The following FTO variants were observed in gnomAD, a reference collection of about 807,000 sequenced individuals.
FTO encodes alpha-ketoglutarate-dependent dioxygenase FTO.
In FTO, 47 loss-of-function variants were observed where a neutral mutation model predicts 63.9. That is an observed-to-expected ratio of 0.74 (90% confidence interval 0.58 to 0.94). The LOEUF is 0.94. FTO is among the 40% of genes least tolerant of loss of function. FTO has a pLI of 0.00. For missense variants in FTO, 562 were observed against 618.1 expected (o/e 0.91, Z 0.96); for synonymous variants, 207 against 224.4 (o/e 0.92, Z 0.69).
chr16:54,041,800 C>A (rs184380175), intron 8 of FTO, among the ~76,000 whole-genome samples: 1 of 152,172 alleles, frequency 6.6e-6, no homozygotes, highest in African/African-American at 2.4e-5. Context: ...TTGTTGTGCA[C>A]GCTGGCTCTT....
At chr16:53,983,359 T>A (rs1037505285) in intron 8 of FTO, among the ~76,000 whole-genome samples, 3 of 151,940 alleles carry the variant, frequency 2.0e-5, no homozygotes, top group Admixed American at 2.0e-4. Flanking sequence ...ATTGGATAAT[T>A]TTTAGAGGAG....
At chr16:53,987,582 C>CA (rs770347637) in intron 8 of FTO, among the ~76,000 whole-genome samples, 1,684 of 122,834 alleles carry the variant, frequency 0.014, 8 homozygotes, top group Non-Finnish European at 0.017. Flanking sequence ...GACTCTGTCT[C>CA]AAAAAAAAAA....
At chr16:53,761,631 G>T (rs1425690002) in intron 1 of FTO, among the ~76,000 whole-genome samples, 3 of 152,122 alleles carry the variant, frequency 2.0e-5, no homozygotes, top group African/African-American at 7.2e-5. Context: ...TATCCTCACG[G>T]AAATTGGTTT....
intron 8 of FTO, among the ~76,000 whole-genome samples, chr16:54,019,669 A>T (rs773279541): frequency 5.3e-5 from 8 of 152,198 alleles, no homozygotes; most frequent in Admixed American, 2.6e-4. Flanking sequence ...ATGGGAAAGA[A>T]ATAGGAGAGC....
At chr16:53,885,696 A>G (rs1321233899) in intron 6 of FTO, among the ~76,000 whole-genome samples, 1 of 152,194 alleles carries the variant, frequency 6.6e-6, no homozygotes, top group Non-Finnish European at 1.5e-5. Flanking sequence ...TGTCTTACAG[A>G]TGACATAGCT....
chr16:53,726,561 T>C (rs1321729223), intron 1 of FTO, among the ~76,000 whole-genome samples: 1 of 152,170 alleles, frequency 6.6e-6, no homozygotes, highest in Non-Finnish European at 1.5e-5. Flanking sequence ...TTGCATGCAT[T>C]TGTGATTTGA....
At chr16:53,881,156 T>C (rs146722751) in intron 6 of FTO, among the ~76,000 whole-genome samples, 3 of 126,378 alleles carry the variant, frequency 2.4e-5, no homozygotes, top group Non-Finnish European at 4.7e-5. Flanking sequence ...TAAATAAAAA[T>C]AAAATAAAAA....
intron 7 of FTO, among the ~76,000 whole-genome samples, chr16:53,926,487 G>A (rs1184009624): frequency 6.6e-6 from 1 of 152,178 alleles, no homozygotes; most frequent in African/African-American, 2.4e-5. Context: ...AAATGGTCAT[G>A]GACCCTTCTG....
intron 3 of FTO, among the ~76,000 whole-genome samples, chr16:53,834,033 T>A (rs1018388938): frequency 2.0e-5 from 3 of 152,148 alleles, no homozygotes; most frequent in African/African-American, 7.2e-5. Flanking sequence ...TTTTTTTTTT[T>A]ATTTTTTTTG....
At chr16:53,922,342 A>G (rs2082026592) in intron 7 of FTO, among the ~76,000 whole-genome samples, 1 of 152,134 alleles carries the variant, frequency 6.6e-6, no homozygotes. Flanking sequence ...AAAGCTGTAA[A>G]TGGGTTGTTA....
chr16:53,995,274 G>C (rs573381492), intron 8 of FTO, among the ~76,000 whole-genome samples: 6 of 152,362 alleles, frequency 3.9e-5, no homozygotes, highest in African/African-American at 1.2e-4. Flanking sequence ...ACTGCCACCA[G>C]GGAGATGCAT....
intron 8 of FTO, among the ~76,000 whole-genome samples, chr16:54,088,245 C>G (rs1271044512): frequency 6.6e-6 from 1 of 152,214 alleles, no homozygotes; most frequent in Non-Finnish European, 1.5e-5. Flanking sequence ...TCAATACCCA[C>G]ATTGCGTTTT....
chr16:53,776,677 T>C (rs1199219718), intron 1 of FTO, among the ~76,000 whole-genome samples: 1 of 152,212 alleles, frequency 6.6e-6, no homozygotes, highest in Non-Finnish European at 1.5e-5. Context: ...TCTTTTCCAA[T>C]GTAAAAAATT....
intron 1 of FTO, among the ~76,000 whole-genome samples, chr16:53,773,599 T>C (rs1269736539): frequency 2.0e-5 from 3 of 152,168 alleles, no homozygotes; most frequent in Non-Finnish European, 4.4e-5. Context: ...ACATCTTCAC[T>C]GTGTTTTTGT....
intron 8 of FTO, among the ~76,000 whole-genome samples, chr16:54,064,576 G>T (rs1216311138): frequency 6.6e-6 from 1 of 152,170 alleles, no homozygotes; most frequent in Non-Finnish European, 1.5e-5. Context: ...TGATAAATAT[G>T]TTCCTCATTT....
intron 2 of FTO, among the ~76,000 whole-genome samples, chr16:53,810,616 G>T (rs553660653): frequency 6.6e-6 from 1 of 151,982 alleles, no homozygotes; most frequent in Non-Finnish European, 1.5e-5. Context: ...TTGCACTCCC[G>T]GTAAATAACT....
At chr16:53,971,546 T>A (rs1439917608) in intron 8 of FTO, among the ~76,000 whole-genome samples, 1 of 152,254 alleles carries the variant, frequency 6.6e-6, no homozygotes, top group Admixed American at 6.5e-5. Context: ...TCTTACAACA[T>A]CTGTATTTTC....
rs1433470342 is a variant in FTO at position 54,120,054 on chromosome 16, G to A, written c.*8139G>A. 4 of 152,240 alleles carry A rather than the reference G, an allele frequency of 2.6e-5. No individual in the cohort carries two copies. The highest frequency in any genetic ancestry group is 9.6e-5 in the African/African-American group (4 of 41,464). The allele number at this position is 152,240 out of a possible 1,614,324, so 9.4% of individuals were successfully genotyped here. A position where few individuals can be genotyped will look rare whatever the true frequency, so the allele number is the denominator to read the frequency against. On this transcript the variant is annotated 3_prime_UTR_variant, in exon 9 of 9. Transcript: ENST00000471389. Reference sequence around the variant, plus strand: ...TGAGCTGTGCGTGCAGAATGGGAGAGGCATCCCTGCCAAGGACTTCAAGTG... The same window carrying A: ...TGAGCTGTGCGTGCAGAATGGGAGAAGCATCCCTGCCAAGGACTTCAAGTG...
chr16:53,751,912 C>T (rs1018559136), intron 1 of FTO, among the ~76,000 whole-genome samples: 2 of 152,158 alleles, frequency 1.3e-5, no homozygotes, highest in East Asian at 1.9e-4. Context: ...GGATTTGAAT[C>T]GCTTACATTT....
Sources: gnomAD v4.1 joint callset for allele counts (sites outside exome capture counted in the v4.1 genomes callset) on GRCh38, gnomAD v4.1.1 for gene constraint, MANE v1.5 for transcripts, NCBI Gene and HGNC (gene_info 2026-07-23, HGNC 2026-07-21) for gene names.